The following TCF4 variants were observed in gnomAD, a reference collection of about 807,000 sequenced individuals.
The protein encoded by TCF4 is transcription factor 4, also known as SL3-3 enhancer factor 2.
In TCF4, 3 loss-of-function variants were observed where a neutral mutation model predicts 82.1. That is an observed-to-expected ratio of 0.04 (90% CI 0.02 to 0.09). TCF4 has a LOEUF of 0.09. TCF4 is among the 10% of genes least tolerant of loss of function. The probability of loss-of-function intolerance (pLI) is 1.00; values close to 1 mark genes in which losing one functional copy is unlikely to be tolerated. For missense variants in TCF4, 518 were observed against 852.7 expected, an observed-to-expected ratio of 0.61 and a Z score of 4.89; for synonymous variants, 276 against 309.6, an observed-to-expected ratio of 0.89 and a Z score of 1.14.
chr18:55,336,476 G>T (rs918771013), intron 8 of TCF4, among the ~76,000 whole-genome samples: 6 of 151,856 alleles, frequency 4.0e-5, no homozygotes, highest in African/African-American at 1.5e-4. Context: ...TAAAATAAAT[G>T]GCAAATGAGG....
intron 5 of TCF4, chr18:55,422,276 T>A (rs1569451403): frequency 4.1e-6 from 4 of 985,222 alleles, no homozygotes; most frequent in Non-Finnish European, 1.2e-6. Flanking sequence ...TGTGGATGAA[T>A]AAACTGTTGT....
chr18:55,324,081 T>A (rs771619638), intron 8 of TCF4, among the ~76,000 whole-genome samples: 5 of 152,224 alleles, frequency 3.3e-5, no homozygotes, highest in Admixed American at 6.5e-5. Flanking sequence ...TAAATAAATA[T>A]TTTTAATCTG....
intron 3 of TCF4, among the ~76,000 whole-genome samples, chr18:55,512,268 TTAAAA>T (rs1437371348): frequency 1.1e-4 from 17 of 152,298 alleles, no homozygotes; most frequent in African/African-American, 3.8e-4. Flanking sequence ...TTGCAAACTC[TTAAAA>T]TAAATTATGG....
At chr18:55,605,530 G>C (rs898732572) in intron 2 of TCF4, among the ~76,000 whole-genome samples, 7 of 152,140 alleles carry the variant, frequency 4.6e-5, no homozygotes, top group African/African-American at 1.7e-4. Flanking sequence ...TATATGTTTT[G>C]GGGGAAGGAG....
At chr18:55,301,231 A>G (rs1030661122) in intron 8 of TCF4, among the ~76,000 whole-genome samples, 4 of 151,912 alleles carry the variant, frequency 2.6e-5, no homozygotes, top group African/African-American at 9.7e-5. Context: ...AGTCAAGAAA[A>G]CCCGCTGAGC....
intron 2 of TCF4, among the ~76,000 whole-genome samples, chr18:55,599,491 C>T (rs867536511): frequency 6.6e-6 from 1 of 152,150 alleles, no homozygotes; most frequent in African/African-American, 2.4e-5. Context: ...GAGGCCGAGG[C>T]GGGCAGATCA....
At chr18:55,242,755 G>A (rs889616473) in intron 15 of TCF4, among the ~76,000 whole-genome samples, 4 of 151,976 alleles carry the variant, frequency 2.6e-5, no homozygotes, top group East Asian at 1.9e-4. Flanking sequence ...GATTACAGGC[G>A]TGCACCTTTA....
chr18:55,496,270 G>T (rs1022645792), intron 3 of TCF4: 1 of 152,032 alleles, frequency 6.6e-6, no homozygotes, highest in Admixed American at 6.6e-5. Context: ...AAAGTACAGC[G>T]TGTTACAATA....
intron 3 of TCF4, among the ~76,000 whole-genome samples, chr18:55,540,886 T>G (rs534178589): frequency 6.6e-6 from 1 of 152,090 alleles, no homozygotes; most frequent in Non-Finnish European, 1.5e-5. Context: ...AGGATAGTCC[T>G]ATATTTATTT....
chr18:55,402,201 G>A (rs905805426), intron 6 of TCF4: 7 of 985,240 alleles, frequency 7.1e-6, no homozygotes, highest in Admixed American at 1.2e-4. Context: ...TTCAGATGCC[G>A]AATATGACTG....
intron 6 of TCF4, among the ~76,000 whole-genome samples, chr18:55,390,843 A>G (rs2093023394): frequency 6.6e-6 from 1 of 152,224 alleles, no homozygotes; most frequent in Non-Finnish European, 1.5e-5. Flanking sequence ...GAAATAAATC[A>G]AAGAATAATC....
At chr18:55,474,205 C>T (rs895770025) in intron 3 of TCF4, among the ~76,000 whole-genome samples, 3 of 152,114 alleles carry the variant, frequency 2.0e-5, no homozygotes, top group African/African-American at 2.4e-5. Context: ...GCTTGGATCA[C>T]GGGAAAATCT....
At chr18:55,278,174 T>A (rs1350573085) in intron 9 of TCF4, among the ~76,000 whole-genome samples, 1 of 151,962 alleles carries the variant, frequency 6.6e-6, no homozygotes, top group African/African-American at 2.4e-5. Context: ...TAGTATCTTT[T>A]AATGAGAATG....
chr18:55,606,402 T>A lies in TCF4; in HGVS notation c.287-19266A>T, dbSNP rs117172841. ...ATTAACGGAAATGTTTCTCTTCTTC[T>A]CTGTTCTGAGCCTAATTCACAGCCC... On this transcript the variant is annotated intron_variant, in intron 2 of 20. Transcript: ENST00000398339. 2.2e-4 allele frequency among the ~76,000 whole-genome samples: 33 copies of A among 152,228 alleles called. No homozygotes were observed. In the East Asian group the frequency reaches 4.5e-3, roughly 21 times the overall value.
chr18:55,532,019 T>C (rs970376538), intron 3 of TCF4, among the ~76,000 whole-genome samples: 12 of 152,240 alleles, frequency 7.9e-5, no homozygotes, highest in African/African-American at 2.4e-4. Flanking sequence ...TTTCATTGAA[T>C]AGTTAGGGTT....
At chr18:55,532,913 A>C (rs2097079817) in intron 3 of TCF4, among the ~76,000 whole-genome samples, 1 of 152,178 alleles carries the variant, frequency 6.6e-6, no homozygotes. Flanking sequence ...ATGGAGACAC[A>C]ATAGCTGCCT....
At chr18:55,487,058 A>T (rs1451269269) in intron 3 of TCF4, among the ~76,000 whole-genome samples, 1 of 152,192 alleles carries the variant, frequency 6.6e-6, no homozygotes, top group African/African-American at 2.4e-5. Flanking sequence ...GTATAAACTT[A>T]AAATTCCTTA....
intron 2 of TCF4, among the ~76,000 whole-genome samples, chr18:55,606,035 G>A (rs905939545): frequency 1.1e-4 from 16 of 152,186 alleles, no homozygotes; most frequent in East Asian, 3.9e-4. Flanking sequence ...ACAAGTCCTC[G>A]TGGTGCTTCT....
At chr18:55,532,030 T>A (rs1294440130) in intron 3 of TCF4, among the ~76,000 whole-genome samples, 5 of 152,232 alleles carry the variant, frequency 3.3e-5, no homozygotes, top group African/African-American at 1.2e-4. Context: ...AGTTAGGGTT[T>A]GCCACCACAA....
Sources: allele counts gnomAD v4.1 joint callset (sites outside exome capture counted in the v4.1 genomes callset), GRCh38; gene constraint gnomAD v4.1.1; transcripts MANE v1.5; gene names NCBI Gene and HGNC (gene_info 2026-07-23, HGNC 2026-07-21).